The following ZRANB3 variants were observed in gnomAD, a reference collection of about 807,000 sequenced individuals.
The protein encoded by ZRANB3 is DNA annealing helicase and endonuclease ZRANB3.
In ZRANB3, 125 loss-of-function variants were observed where a neutral mutation model predicts 133.8. The observed-to-expected ratio is 0.93, with a 90% CI of 0.81 to 1.08. The LOEUF (loss-of-function observed/expected upper bound fraction) is 1.08, where lower values mean the gene tolerates loss of function less well. ZRANB3 is among the 50% of genes least tolerant of loss of function. ZRANB3 has a pLI of 0.00. For synonymous variants in ZRANB3, 387 were observed against 432.7 expected, an observed-to-expected ratio of 0.89 and a Z score of 1.31; for missense variants, 1,229 against 1,275.5, an observed-to-expected ratio of 0.96 and a Z score of 0.56.
chr2:135,251,786 C>A (rs912376053), intron 12 of ZRANB3, among the ~76,000 whole-genome samples: 3 of 152,178 alleles, frequency 2.0e-5, no homozygotes, highest in Non-Finnish European at 4.4e-5. Flanking sequence ...CCTGTAATCC[C>A]AGCACTTTGG....
chr2:135,215,390 T>C (rs1281881507), intron 17 of ZRANB3, among the ~76,000 whole-genome samples: 2 of 152,076 alleles, frequency 1.3e-5, no homozygotes. Flanking sequence ...CCAAAGTAGC[T>C]GGGACTACAG....
intron 1 of ZRANB3, among the ~76,000 whole-genome samples, chr2:135,512,933 A>G (rs924838694): frequency 3.9e-5 from 6 of 152,190 alleles, no homozygotes; most frequent in African/African-American, 1.4e-4. Context: ...GTAACAGGAT[A>G]AAGATGATTT....
chr2:135,417,010 G>A (rs1688609864), intron 2 of ZRANB3, among the ~76,000 whole-genome samples: 2 of 152,096 alleles, frequency 1.3e-5, no homozygotes, highest in Admixed American at 6.6e-5. Context: ...AAAAACCCTA[G>A]AAGAAAACCT....
Position 135,325,059 on chromosome 2 carries a change from AAG to A in ZRANB3, c.678-9531_678-9530del, listed in dbSNP as rs1213424564. On this transcript the variant is annotated intron_variant, in intron 6 of 20. Transcript: ENST00000264159. ...ATGAATTTGAAAACTTACTATTATA[AAG>A]ATGCTAAACTCCCAAAGTTAATCTA... Among the ~76,000 whole-genome samples the A allele has an allele frequency of 3.3e-5, 5 of 152,322 alleles. No individual in the cohort carries two copies. In the East Asian group the frequency reaches 7.7e-4, roughly 23 times the overall value.
chr2:135,270,886 A>T (rs1680480295), intron 10 of ZRANB3, among the ~76,000 whole-genome samples: 1 of 152,256 alleles, frequency 6.6e-6, no homozygotes. Context: ...GAATGCTGGC[A>T]GAAAAACAGT....
chr2:135,451,616 G>A (rs957075978), intron 2 of ZRANB3, among the ~76,000 whole-genome samples: 5 of 149,960 alleles, frequency 3.3e-5, no homozygotes, highest in African/African-American at 1.2e-4. Flanking sequence ...AACACCTGAT[G>A]AGCTAATAAA....
intron 2 of ZRANB3, among the ~76,000 whole-genome samples, chr2:135,403,200 C>A (rs1574045311): frequency 6.6e-6 from 1 of 152,182 alleles, no homozygotes; most frequent in East Asian, 1.9e-4. Flanking sequence ...ATTCCCTTTT[C>A]TAGTCAAACA....
chr2:135,518,963 T>G (rs1177988690), intron 1 of ZRANB3, among the ~76,000 whole-genome samples: 1 of 152,206 alleles, frequency 6.6e-6, no homozygotes, highest in Non-Finnish European at 1.5e-5. Context: ...AGCTGATTGT[T>G]GGACAGGGGA....
chr2:135,250,835 A>G (rs1287742146), intron 12 of ZRANB3, among the ~76,000 whole-genome samples: 1 of 152,228 alleles, frequency 6.6e-6, no homozygotes, highest in Non-Finnish European at 1.5e-5. Flanking sequence ...AGCCTCTGCT[A>G]GGGCAGTGCA....
intron 2 of ZRANB3, among the ~76,000 whole-genome samples, chr2:135,466,677 T>C (rs1002714071): frequency 7.3e-5 from 11 of 150,448 alleles, no homozygotes; most frequent in Non-Finnish European, 1.5e-4. Flanking sequence ...ATGATTTGTG[T>C]TGATTTTTTT....
intron 2 of ZRANB3, among the ~76,000 whole-genome samples, chr2:135,438,055 G>A (rs765137643): frequency 3.3e-5 from 5 of 152,060 alleles, no homozygotes; most frequent in Admixed American, 1.3e-4. Flanking sequence ...TGGGCCTTCC[G>A]ACTTGGACTA....
chr2:135,370,495 G>A (rs1039103163), intron 3 of ZRANB3, among the ~76,000 whole-genome samples: 5 of 151,950 alleles, frequency 3.3e-5, no homozygotes, highest in Admixed American at 1.3e-4. Context: ...AGGTTGCTGC[G>A]AATGAAGGCA....
At chr2:135,510,155 A>C (rs192418847) in intron 1 of ZRANB3, among the ~76,000 whole-genome samples, 74 of 152,316 alleles carry the variant, frequency 4.9e-4, no homozygotes, top group African/African-American at 1.7e-3. Context: ...AAACACACAG[A>C]AAGTAAGAAA....
At chr2:135,391,610 C>T (rs559658462) in intron 2 of ZRANB3, among the ~76,000 whole-genome samples, 27 of 146,106 alleles carry the variant, frequency 1.8e-4, no homozygotes, top group South Asian at 4.4e-4. Flanking sequence ...GACGGAGTCT[C>T]GCTCTGTTGC....
chr2:135,461,487 C>T (rs1672312465), intron 2 of ZRANB3, among the ~76,000 whole-genome samples: 1 of 152,158 alleles, frequency 6.6e-6, no homozygotes, highest in African/African-American at 2.4e-5. Flanking sequence ...AGGACAATTG[C>T]TTGAACCTGG....
intron 2 of ZRANB3, among the ~76,000 whole-genome samples, chr2:135,410,395 A>G (rs76490334): frequency 2.0e-5 from 3 of 152,134 alleles, no homozygotes; most frequent in African/African-American, 7.2e-5. Context: ...AAAGGACTCT[A>G]TATTCAATAA....
chr2:135,284,121 T>C (rs1366736982), intron 8 of ZRANB3, among the ~76,000 whole-genome samples: 4 of 152,252 alleles, frequency 2.6e-5, no homozygotes, highest in African/African-American at 7.2e-5. Context: ...GTTTGAATCC[T>C]AGCTCCATCA....
rs183176844 is a variant in ZRANB3 at position 135,469,956 on chromosome 2, G to A, written c.161+34373C>T. On this transcript the variant is annotated intron_variant, in intron 2 of 20. Transcript: ENST00000264159. ...GAACCCGGGAGGTGGAGCTTGCAGT[G>A]AGCTGAGATCACACCACTGCACTCC... 5.6e-3 allele frequency among the ~76,000 whole-genome samples: 835 copies of A among 149,894 alleles called. 7 individuals are homozygous for A. Among genetic ancestry groups the A allele is most frequent in the African/African-American group, 0.019 (778 of 40,556 alleles).
chr2:135,274,040 G>A (rs1458906412), intron 9 of ZRANB3, among the ~76,000 whole-genome samples: 1 of 152,158 alleles, frequency 6.6e-6, no homozygotes. Flanking sequence ...CTCTTAGAGG[G>A]TGTTTTTCAG....
Sources: gnomAD v4.1 joint callset for allele counts (sites outside exome capture counted in the v4.1 genomes callset) on GRCh38, gnomAD v4.1.1 for gene constraint, MANE v1.5 for transcripts, NCBI Gene and HGNC (gene_info 2026-07-23, HGNC 2026-07-21) for gene names.